Variants in NLRP1 observed in about 807,000 individuals in gnomAD.
The protein encoded by NLRP1 is NACHT, LRR and PYD domains-containing protein 1.
A neutral mutation model predicts 136.7 loss-of-function variants in NLRP1; 94 were observed. The ratio of observed to expected loss-of-function variants is 0.69; its 90% CI spans 0.58 to 0.82. NLRP1 has a LOEUF of 0.82. NLRP1 is among the 40% of genes least tolerant of loss of function. The pLI is 0.00. For missense variants in NLRP1, 1,575 were observed against 1,802.7 expected (o/e 0.87, Z 2.29); for synonymous variants, 690 against 725.1 (o/e 0.95, Z 0.78).
chr17:5,548,367 C>T (rs978510502), intron 5 of NLRP1, among the ~76,000 whole-genome samples: 1 of 152,182 alleles, frequency 6.6e-6, no homozygotes, highest in Non-Finnish European at 1.5e-5. Flanking sequence ...TTTCCTCCCT[C>T]TTCCAAGGCC....
intron 5 of NLRP1, among the ~76,000 whole-genome samples, chr17:5,548,426 T>C (rs937426693): frequency 6.6e-6 from 1 of 152,174 alleles, no homozygotes; most frequent in Non-Finnish European, 1.5e-5. Flanking sequence ...CATCAATGAC[T>C]CCTTCTCCTT....
chr17:5,555,220 T>C lies in NLRP1; in HGVS notation c.2358-1664A>G, dbSNP rs938625266. On this transcript the variant is annotated intron_variant, in intron 4 of 16. Coordinates refer to ENST00000572272, the MANE Select transcript of NLRP1 (RefSeq NM_033004.4). ...AAAATTTATACTTGAAAATGCACAA[T>C]GCTTAATCACATGCCAAACACCTGG... Among the ~76,000 whole-genome samples, 10 of 152,336 alleles carry C rather than the reference T, an allele frequency of 6.6e-5. No individual in the cohort carries two copies. The East Asian group carries it at 1.3e-3, about 21-fold the overall frequency.
intron 12 of NLRP1, among the ~76,000 whole-genome samples, chr17:5,522,040 G>C (rs1908976755): frequency 6.6e-6 from 1 of 152,192 alleles, no homozygotes; most frequent in African/African-American, 2.4e-5. Flanking sequence ...GGCCAGGTTG[G>C]TCTTGAACTC....
chr17:5,527,081 G>A (rs11654272), intron 12 of NLRP1, among the ~76,000 whole-genome samples: 7,561 of 152,308 alleles, frequency 0.05, 217 homozygotes, highest in Middle Eastern at 0.095. Flanking sequence ...CGGCCCCAGG[G>A]ATTGGTTTCC....
rs570619445 is a variant in NLRP1 at position 5,558,377 on chromosome 17, C to T, written c.2319G>A (p.Arg773=). The T allele has an allele frequency of 8.4e-5, 136 of 1,613,408 alleles. 2 individuals are homozygous for T. In the South Asian group the frequency reaches 1.4e-3, roughly 16 times the overall value. ...HVKKLQLIEG[R]QHRSTWSPTM... is the part of the protein sequence containing the mutation. ...TGGGGCTCCATGTTGATCTGTGCTGCCTGCCCTCAATCAGCTGAAGCTTCT... is the reference window on the plus strand; with the variant it reads ...TGGGGCTCCATGTTGATCTGTGCTGTCTGCCCTCAATCAGCTGAAGCTTCT... The change falls in exon 4 of 17, where the codon AGG becomes AGA. Residue 773 remains arginine (R), a synonymous_variant. Transcript: ENST00000572272.
At chr17:5,533,551 G>GTTTTTTT (rs35006823) in intron 9 of NLRP1, among the ~76,000 whole-genome samples, 167 bp from the exon 10 acceptor site, 3 of 90,018 alleles carry the variant, frequency 3.3e-5, no homozygotes, top group Non-Finnish European at 6.4e-5. Flanking sequence ...GTGAGACTCT[G>GTTTTTTT]TTTTTTTTTT....
downstream of NLRP1, among the ~76,000 whole-genome samples, chr17:5,510,341 G>A (rs905137496): frequency 2.0e-5 from 3 of 151,648 alleles, no homozygotes; most frequent in Admixed American, 6.6e-5. Flanking sequence ...CATGTACCAC[G>A]ATGCCCGGCT....
chr17:5,557,561 T>C (rs1036632301), intron 4 of NLRP1, among the ~76,000 whole-genome samples: 14 of 152,232 alleles, frequency 9.2e-5, no homozygotes, highest in Non-Finnish European at 7.3e-5. Flanking sequence ...GCACGTATTG[T>C]GCTTTTTAAT....
At chr17:5,544,246 T>G (rs952415860) in intron 5 of NLRP1, among the ~76,000 whole-genome samples, 3 of 151,982 alleles carry the variant, frequency 2.0e-5, no homozygotes, top group Admixed American at 2.0e-4. Flanking sequence ...ATGGGTAGGT[T>G]GGGGTGGGGC....
At chr17:5,534,895 T>C (rs1016568569) in intron 8 of NLRP1, among the ~76,000 whole-genome samples, 4 of 152,220 alleles carry the variant, frequency 2.6e-5, no homozygotes, top group Non-Finnish European at 4.4e-5. Context: ...GTTCTCAAAC[T>C]GTGCGCTTAA....
chr17:5,512,154 T>G, downstream of NLRP1: 1 of 955,218 alleles, frequency 1.0e-6, no homozygotes, highest in Non-Finnish European at 1.7e-6. Flanking sequence ...CTGTGGCCAT[T>G]CGATCTGAAT....
chr17:5,517,500 G>GC (rs1567630521), intron 15 of NLRP1, among the ~76,000 whole-genome samples: 1 of 151,994 alleles, frequency 6.6e-6, no homozygotes. Context: ...CGATTCTTCT[G>GC]CCTCAGCCTC....
intron 14 of NLRP1, 177 bp from the exon 15 acceptor site, chr17:5,518,064 G>A (rs552024507): frequency 1.6e-6 from 1 of 611,018 alleles, no homozygotes; most frequent in South Asian, 2.0e-5. Flanking sequence ...GAAGGATGAG[G>A]ACACAACTGA....
intron 3 of NLRP1, among the ~76,000 whole-genome samples, chr17:5,578,335 G>C (rs1361008592): frequency 6.6e-6 from 1 of 152,100 alleles, no homozygotes; most frequent in African/African-American, 2.4e-5. Flanking sequence ...CCTACAGAAT[G>C]GGACAAAATT....
intron 11 of NLRP1, among the ~76,000 whole-genome samples, chr17:5,531,400 G>A (rs557779062): frequency 1.3e-5 from 2 of 152,056 alleles, no homozygotes; most frequent in Admixed American, 6.6e-5. Flanking sequence ...GGTAATTTTT[G>A]TAGACACAAG....
intron 14 of NLRP1, chr17:5,518,124 C>T: frequency 2.4e-6 from 1 of 414,506 alleles, no homozygotes; most frequent in Non-Finnish European, 4.4e-6. Context: ...TGCTCATAAT[C>T]CTAAGCCAGA....
At chr17:5,505,922 C>T (rs1453906894) in intron 15 of NLRP1, 2 of 152,262 alleles carry the variant, frequency 1.3e-5, no homozygotes, top group Non-Finnish European at 2.9e-5. Context: ...TATGATCTTC[C>T]TCAGAGAGAA....
chr17:5,534,035 G>A (rs774761768), intron 8 of NLRP1, 47 bp from the exon 9 acceptor site: 1 of 1,325,872 alleles, frequency 7.5e-7, no homozygotes, highest in Non-Finnish European at 1.1e-6. Flanking sequence ...GAGGAAGCGA[G>A]GGCTGTCCAC....
intron 12 of NLRP1, among the ~76,000 whole-genome samples, chr17:5,529,324 A>G (rs1909934878): frequency 6.6e-6 from 1 of 150,740 alleles, no homozygotes; most frequent in Non-Finnish European, 1.5e-5. Flanking sequence ...TTAGATATAT[A>G]TTAGGACTTA....
Sources: allele counts gnomAD v4.1 joint callset (sites outside exome capture counted in the v4.1 genomes callset), GRCh38; gene constraint gnomAD v4.1.1; transcripts MANE v1.5; gene names NCBI Gene and HGNC (gene_info 2026-07-23, HGNC 2026-07-21).